Variants in TBRG4 observed in about 807,000 individuals in gnomAD.
TBRG4 encodes the protein FAST kinase domain-containing protein 4.
Under a neutral mutation model 65.6 loss-of-function variants are expected in TBRG4, and 43 were observed. The ratio of observed to expected loss-of-function variants is 0.66; its 90% CI spans 0.51 to 0.85. The LOEUF (loss-of-function observed/expected upper bound fraction) is 0.85, where lower values mean the gene tolerates loss of function less well. Ranked by LOEUF, TBRG4 falls within the 40% of genes least tolerant of loss-of-function variation. The pLI is 0.00. For missense variants in TBRG4, 709 were observed against 787.9 expected, an observed-to-expected ratio of 0.90 and a Z score of 1.20; for synonymous variants, 366 against 341.4, an observed-to-expected ratio of 1.07 and a Z score of -0.79.
Position 45,108,979 on chromosome 7 carries a change from C to G in TBRG4, c.259G>C (p.Glu87Gln), listed in dbSNP as rs1206707752. 1 of 1,612,640 alleles carries G rather than the reference C, an allele frequency of 6.2e-7. No individual in the cohort carries two copies. The highest frequency in any genetic ancestry group is 8.5e-7 in the Non-Finnish European group (1 of 1,179,322). ...KKATRPEELL[E>Q]LLGGSHDLDS... ...AAGTCGTGACTGCCACCAAGTAGCT[C>G]CAGGAGCTCCTCTGGCCTTGTGGCC... The change falls in exon 2 of 11, where the codon GAG becomes CAG. Residue 87 changes from glutamate (E) to glutamine (Q), a missense_variant. Physicochemically the swap from Glu to Gln is conservative, Grantham distance 29. Coordinates refer to ENST00000258770, the MANE Select transcript of TBRG4 (RefSeq NM_004749.4).
chr7:45,108,597 G>C (rs1166815605), intron 2 of TBRG4, among the ~76,000 whole-genome samples: 1 of 152,228 alleles, frequency 6.6e-6, no homozygotes, highest in Non-Finnish European at 1.5e-5. Context: ...ATCACTATGC[G>C]TCTTGGCTGT....
intron 6 of TBRG4, chr7:45,102,895 C>G: frequency 3.3e-6 from 1 of 302,090 alleles, no homozygotes; most frequent in Middle Eastern, 1.0e-3. Context: ...CTCCCCAGCC[C>G]CTGGCTAATT....
At chr7:45,108,737 T>A (rs1785031980) in intron 2 of TBRG4, 90 bp downstream of exon 2, 1 of 1,099,376 alleles carries the variant, frequency 9.1e-7, no homozygotes, top group Non-Finnish European at 1.3e-6. Context: ...GGCCCCTGTC[T>A]ATGCTTGGTA....
At chr7:45,111,574 A>T in intron 1 of TBRG4, 69 bp downstream of exon 1, 1 of 1,286,654 alleles carries the variant, frequency 7.8e-7, no homozygotes, top group Non-Finnish European at 1.0e-6. Context: ...GGACCTTCCC[A>T]GCCACGCCTG....
intron 2 of TBRG4, chr7:45,105,976 G>A: frequency 3.9e-6 from 3 of 767,452 alleles, no homozygotes; most frequent in Non-Finnish European, 4.7e-6. Flanking sequence ...CTTGGTGTCT[G>A]TAACCAAATT....
rs2128644761 is a variant in TBRG4, at chr7:45,103,338, T to C, written c.1171A>G (p.Ser391Gly). Residue 391 changes from serine (S) to glycine (G), a missense_variant, in exon 6 of 11, where the codon AGC becomes GGC. Physicochemically the swap from Ser to Gly is moderately conservative, Grantham distance 56 (BLOSUM62 0). Coordinates refer to ENST00000258770, the MANE Select transcript of TBRG4 (RefSeq NM_004749.4). ...FHPDQEDQFF[S>G]LVHEKLGSEL... is the part of the protein sequence containing the mutation. The stretch of plus-strand genomic sequence containing the variant: ...TGGGAGCCCAGAGGCCCTACCAGGC[T>C]GAAGAACTGATCCTCTTGGTCTGGA... 1.2e-6 allele frequency: 2 copies of C among 1,612,538 alleles called. No homozygotes were observed. The highest frequency in any genetic ancestry group is 1.7e-6 in the Non-Finnish European group (2 of 1,179,204).
rs140353590 is a variant in TBRG4, at chr7:45,100,373, G to A, written c.1848C>T (p.Tyr616=). ...CCGCTTTGCGCATCTTGTCCTTGAG[G>A]TAGGCGCCTTTCTGCCATTCAGACT... ...ELKSEWQKGA[Y]LKDKMRKAVA... is the part of the protein sequence containing the mutation. Residue 616 remains tyrosine (Y), a synonymous_variant, in exon 11 of 11, where the codon TAC becomes TAT. Transcript: ENST00000258770. 101 of 1,614,080 alleles carry A rather than the reference G, an allele frequency of 6.3e-5. No homozygotes were observed. In the African/African-American group the frequency reaches 1.1e-3, roughly 18 times the overall value.
chr7:45,108,844 A>G lies in TBRG4; in HGVS notation c.394T>C (p.Cys132Arg), dbSNP rs375377858. The change falls in exon 2 of 11, where the codon TGT (cysteine) becomes CGT (arginine). Residue 132 changes from cysteine to arginine, a missense_variant. Transcript: ENST00000258770. The part of the protein sequence containing the change: ...IQDAHFHQLL[C>R]LLNSQIASVW... ...GCACCCACCTGACTGTTGAGCAGAC[A>G]GAGAAGTTGATGAAAGTGGGCATCC... The G allele has an allele frequency of 1.3e-6, 2 of 1,539,388 alleles. No individual in the cohort carries two copies. The highest frequency in any genetic ancestry group is 1.7e-6 in the Non-Finnish European group (2 of 1,146,180).
At chr7:45,107,497 G>A (rs1485584684) in intron 2 of TBRG4, 2 of 152,238 alleles carry the variant, frequency 1.3e-5, no homozygotes, top group African/African-American at 4.8e-5. Flanking sequence ...CCTGGGCCAA[G>A]TCTCTCAACA....
At chr7:45,110,012 G>A (rs913146859) in intron 1 of TBRG4, among the ~76,000 whole-genome samples, 1 of 150,614 alleles carries the variant, frequency 6.6e-6, no homozygotes, top group African/African-American at 2.4e-5. Flanking sequence ...CAAAGCCTCT[G>A]TGGATATATT....
Position 45,102,014 on chromosome 7 carries a change from T to C in TBRG4, c.1378A>G (p.Thr460Ala). The C allele has an allele frequency of 2.6e-6, 4 of 1,566,516 alleles. No individual in the cohort carries two copies. The highest frequency in any genetic ancestry group is 4.5e-5 in the East Asian group (2 of 44,510). Residue 460 changes from threonine to alanine, a missense_variant, in exon 8 of 11, where the codon ACT becomes GCT. Coordinates refer to ENST00000258770, the MANE Select transcript of TBRG4 (RefSeq NM_004749.4). ...TACTCGGGGTACTCCAGCAGGGCAG[T>C]GGCGTTGATGTGGAGCAGCTTCTGG... ...TFQKLLHINA[T>A]ALLEYPEYSG...
intron 5 of TBRG4, 191 bp downstream of exon 5, chr7:45,103,908 A>C: frequency 1.3e-6 from 1 of 784,228 alleles, no homozygotes; most frequent in Non-Finnish European, 2.0e-6. Flanking sequence ...AGAACAGAGG[A>C]AACAGTTCTC....
Position 45,100,240 on chromosome 7 carries a change from G to C in TBRG4, c.*85C>G. 2 of 1,137,326 alleles carry C rather than the reference G, an allele frequency of 1.8e-6. No homozygotes were observed. Among genetic ancestry groups the C allele is most frequent in the Non-Finnish European group, 2.5e-6 (2 of 789,596 alleles). 70.5% of individuals were successfully genotyped at this position (1,137,326 alleles called of 1,614,324 possible). A position where few individuals can be genotyped will look rare whatever the true frequency, so the allele number is the denominator to read the frequency against. ...CACTCTGGCCAAGGTCCTGCACAGAGGTTTGTCCTCAAGGGTGACCCTTCT... is the reference window on the plus strand; with the variant it reads ...CACTCTGGCCAAGGTCCTGCACAGACGTTTGTCCTCAAGGGTGACCCTTCT... On this transcript the variant is annotated 3_prime_UTR_variant, in exon 11 of 11. Coordinates refer to ENST00000258770, the MANE Select transcript of TBRG4 (RefSeq NM_004749.4).
chr7:45,103,986 GC>G (rs1220394139), intron 5 of TBRG4, 112 bp downstream of exon 5: 12 of 1,346,958 alleles, frequency 8.9e-6, no homozygotes, highest in Non-Finnish European at 1.2e-5. Flanking sequence ...ATATGTATTT[GC>G]CCCCACAAGT....
At chr7:45,103,601 C>T (rs574641788) in intron 5 of TBRG4, 158 bp from the exon 6 acceptor site, 1 of 627,480 alleles carries the variant, frequency 1.6e-6, no homozygotes, top group Admixed American at 2.6e-5. Flanking sequence ...CAGAGAAGGA[C>T]TTACACAGGC....
At chr7:45,110,311 A>T (rs546691309) in intron 1 of TBRG4, among the ~76,000 whole-genome samples, 1 of 152,174 alleles carries the variant, frequency 6.6e-6, no homozygotes, top group Non-Finnish European at 1.5e-5. Flanking sequence ...TCATCCTTCC[A>T]AGGCCAAACT....
chr7:45,105,717 C>G lies in TBRG4; in HGVS notation c.459G>C (p.Leu153=), dbSNP rs948746770. 2.5e-6 allele frequency: 4 copies of G among 1,613,632 alleles called. No homozygotes were observed. The highest frequency in any genetic ancestry group is 3.4e-6 in the Non-Finnish European group (4 of 1,179,780). Residue 153 remains leucine, a synonymous_variant, in exon 3 of 11, where the codon CTG becomes CTC. Coordinates refer to ENST00000258770, the MANE Select transcript of TBRG4 (RefSeq NM_004749.4). The part of the protein sequence containing the change: ...HGTLSKLLGS[L]YALGIPKASK... ...AGGCCTTGGGGATGCCCAGAGCATA[C>G]AGGCTTCCCAGCAGCTTCGAGAGGG...
chr7:45,103,262 G>A, intron 6 of TBRG4, 71 bp downstream of exon 6: 1 of 1,308,846 alleles, frequency 7.6e-7, no homozygotes, highest in Non-Finnish European at 1.1e-6. Context: ...GCTGATCTTG[G>A]GAGGACGGTT....
Position 45,104,120 on chromosome 7 carries a change from G to A in TBRG4, c.1044C>T (p.Pro348=). The change falls in exon 5 of 11, where the codon CCC becomes CCT. Residue 348 remains proline (P), a synonymous_variant. Coordinates refer to ENST00000258770, the MANE Select transcript of TBRG4 (RefSeq NM_004749.4). ...TCACCTGGGCAAAGGCCTCAAACAG[G>A]GGCAGGCTGAGCCACTTGAGTAAGG... ...SFALLKWLSL[P]LFEAFAQHVL... is the part of the protein sequence containing the mutation. The A allele has an allele frequency of 1.2e-6, 2 of 1,610,560 alleles. No individual in the cohort carries two copies. The highest frequency in any genetic ancestry group is 1.7e-6 in the Non-Finnish European group (2 of 1,178,500).
Sources: allele counts gnomAD v4.1 joint callset (sites outside exome capture counted in the v4.1 genomes callset), GRCh38; gene constraint gnomAD v4.1.1; transcripts MANE v1.5; gene names NCBI Gene and HGNC (gene_info 2026-07-23, HGNC 2026-07-21).